DIAPH1: variants seen among roughly 807,000 people sequenced by gnomAD.
DIAPH1 encodes the protein diaphanous related formin 1.
In DIAPH1, 46 loss-of-function variants were observed where a neutral mutation model predicts 140.7. The observed-to-expected ratio is 0.33, with a 90% CI of 0.26 to 0.42. DIAPH1 has a LOEUF of 0.42. DIAPH1 is among the 10% of genes least tolerant of loss of function. The probability of loss-of-function intolerance (pLI) is 1.00; values close to 1 mark genes in which losing one functional copy is unlikely to be tolerated. For synonymous variants in DIAPH1, 565 were observed against 551.6 expected (o/e 1.02, Z -0.34); for missense variants, 1,310 against 1,558.7 (o/e 0.84, Z 2.69).
rs1247069457 is a variant in DIAPH1, at chr5:141,571,952, G to T, written c.2447C>A (p.Thr816Asn). 6.2e-7 allele frequency: 1 copy of T among 1,614,074 alleles called. No individual in the cohort carries two copies. The change falls in exon 17 of 28, where the codon ACC (threonine) becomes AAC (asparagine). Residue 816 changes from threonine (T) to asparagine (N), a missense_variant. Coordinates refer to ENST00000389054, the MANE Select transcript of DIAPH1 (RefSeq NM_005219.5). Reference protein sequence around the residue: ...FENNELFAKLTLTFSAQTKTS... With the variant: ...FENNELFAKLNLTFSAQTKTS... ...CTTGGTCTGGGCAGAGAAGGTAAGG[G>T]TAAGTTTGGCGAAAAGTTCATTGTT...
intron 1 of DIAPH1, among the ~76,000 whole-genome samples, chr5:141,589,803 C>T (rs910695442): frequency 1.3e-5 from 2 of 151,444 alleles, no homozygotes; most frequent in Non-Finnish European, 3.0e-5. Flanking sequence ...ACCCCTCCTG[C>T]CCCCCCAAAA....
intron 10 of DIAPH1, 73 bp from the exon 11 acceptor site, chr5:141,578,416 C>T (rs375653990): frequency 6.5e-7 from 1 of 1,549,334 alleles, no homozygotes; most frequent in Admixed American, 1.7e-5. Context: ...GCTTTTCAAC[C>T]TGGTTTTTAA....
chr5:141,540,470 C>T (rs971307564), intron 18 of DIAPH1, among the ~76,000 whole-genome samples: 29 of 151,884 alleles, frequency 1.9e-4, no homozygotes, highest in Admixed American at 8.5e-4. Context: ...TTAGTAGAGA[C>T]GGGGTTCCAT....
chr5:141,582,179 AAC>A (rs2099896880), intron 7 of DIAPH1, 131 bp downstream of exon 7: 4 of 724,296 alleles, frequency 5.5e-6, no homozygotes, highest in African/African-American at 5.3e-5. Context: ...GGCAATGAAA[AAC>A]AGTTATGATA....
intron 18 of DIAPH1, chr5:141,564,849 A>T (rs1018646730): frequency 1.3e-5 from 2 of 152,232 alleles, no homozygotes; most frequent in Admixed American, 1.3e-4. Context: ...AGATAGAGTC[A>T]AGGTAAGAAA....
chr5:141,525,033 A>G (rs1596336201), intron 26 of DIAPH1, among the ~76,000 whole-genome samples: 1 of 151,540 alleles, frequency 6.6e-6, no homozygotes, highest in Non-Finnish European at 1.5e-5. Flanking sequence ...TGTCAGCGGG[A>G]CTCCACCTTC....
Position 141,576,249 on chromosome 5 carries a change from G to A in DIAPH1, c.1442C>T (p.Ala481Val). ...ATGCACCTTCTTTTCCAGCTCTGCAGCTTTGGCTTCAGATTTCTCCACCTT... is the reference window on the plus strand; with the variant it reads ...ATGCACCTTCTTTTCCAGCTCTGCAACTTTGGCTTCAGATTTCTCCACCTT... ...KTKVEKSEAKAAELEKKLDSE... is the reference protein window; with the variant it reads ...KTKVEKSEAKVAELEKKLDSE... Residue 481 changes from alanine to valine, a missense_variant, in exon 14 of 28, where the codon GCT becomes GTT. By Grantham distance (64) the Ala-to-Val change is moderately conservative. Around this residue, in one of 3 missense-constraint regions of DIAPH1, gnomAD observed 589 missense variants for 549.3 expected, o/e 1.07. Transcript: ENST00000389054. 6.2e-7 allele frequency: 1 copy of A among 1,613,898 alleles called. No individual in the cohort carries two copies. Among genetic ancestry groups the A allele is most frequent in the Non-Finnish European group, 8.5e-7 (1 of 1,179,780 alleles).
At chr5:141,555,133 C>G (rs1186863084) in intron 18 of DIAPH1, among the ~76,000 whole-genome samples, 1 of 152,150 alleles carries the variant, frequency 6.6e-6, no homozygotes, top group Non-Finnish European at 1.5e-5. Context: ...ACACACGTCC[C>G]CCTCTGATTA....
In DIAPH1 at chr5:141,610,499, C is replaced by T. The variant is rs1421284540; in HGVS notation, c.117+8299G>A. Among the ~76,000 whole-genome samples the T allele has an allele frequency of 4.6e-5, 7 of 152,212 alleles. No homozygotes were observed. In the South Asian group the frequency reaches 8.3e-4, roughly 18 times the overall value. ...TATTTTTAGTAGAGACGGGGTTTCACCATGTTGGCCAGGATGGTCTCGATC... is the reference window on the plus strand; with the variant it reads ...TATTTTTAGTAGAGACGGGGTTTCATCATGTTGGCCAGGATGGTCTCGATC... On this transcript the variant is annotated intron_variant, in intron 1 of 27. Transcript: ENST00000389054.
rs757472703 is a variant in DIAPH1 at position 141,574,963 on chromosome 5, T to C, written c.1641+4A>G. On this transcript the variant is annotated splice_donor_region_variant and intron_variant, in intron 15 of 27. Transcript: ENST00000389054. ...TCATTCTGCCTTCCCTGCTCAGGCA[T>C]TACCTCTCCTGTGAGCTGGGACACC... 16 of 1,614,170 alleles carry C rather than the reference T, an allele frequency of 9.9e-6. No homozygotes were observed. Among genetic ancestry groups the C allele is most frequent in the Admixed American group, 1.7e-5 (1 of 60,022 alleles).
rs774927856 is a variant in DIAPH1, at chr5:141,515,388, C to A, written c.*1463G>T. 1 of 152,214 alleles carries A rather than the reference C, an allele frequency of 6.6e-6. No individual in the cohort carries two copies. The highest frequency in any genetic ancestry group is 1.5e-5 in the Non-Finnish European group (1 of 68,052). The allele number at this position is 152,214 out of a possible 1,614,324, so 9.4% of individuals were successfully genotyped here. ...GTTGCCCTCATGCTTCCTAAGCTCT[C>A]TCTTGCTCTAATAACTCTAATTCTG... On this transcript the variant is annotated 3_prime_UTR_variant, in exon 28 of 28. Transcript: ENST00000389054.
chr5:141,554,961 G>A (rs182122314), intron 18 of DIAPH1, among the ~76,000 whole-genome samples: 1 of 152,244 alleles, frequency 6.6e-6, no homozygotes, highest in Admixed American at 6.5e-5. Context: ...TGAGTTGGGG[G>A]TGGAGGTTCA....
At chr5:141,552,517 G>A (rs543158477) in intron 18 of DIAPH1, among the ~76,000 whole-genome samples, 9 of 152,146 alleles carry the variant, frequency 5.9e-5, no homozygotes, top group Non-Finnish European at 1.2e-4. Context: ...ATTAGACATT[G>A]GAAAAGGAAA....
intron 1 of DIAPH1, among the ~76,000 whole-genome samples, chr5:141,596,388 A>T (rs2099899329): frequency 6.6e-6 from 1 of 151,930 alleles, no homozygotes; most frequent in Admixed American, 6.6e-5. Context: ...CTGTAGTCCC[A>T]CCTACTCAGG....
At position 141,610,992 on chromosome 5, in the gene DIAPH1, A is replaced by G. The variant is rs114168778; in HGVS notation, c.117+7806T>C. The stretch of plus-strand genomic sequence containing the variant: ...TAGTCCCAGATACTCCAGGAGACCG[A>G]GGCAGCTGGATTGCTTGAGCCCAGG... On this transcript the variant is annotated intron_variant, in intron 1 of 27. Transcript: ENST00000389054. Among the ~76,000 whole-genome samples the G allele has an allele frequency of 3.8e-3, 584 of 152,164 alleles. 3 individuals are homozygous for G. Among genetic ancestry groups the G allele is most frequent in the African/African-American group, 0.013 (526 of 41,506 alleles).
chr5:141,534,610 C>T (rs2099888738), intron 18 of DIAPH1, 177 bp from the exon 19 acceptor site: 2 of 621,442 alleles, frequency 3.2e-6, no homozygotes, highest in South Asian at 1.9e-5. Flanking sequence ...CTGAACCTCC[C>T]CCAACTCTAA....
chr5:141,591,946 G>A (rs1450593992), intron 1 of DIAPH1, among the ~76,000 whole-genome samples: 1 of 150,474 alleles, frequency 6.6e-6, no homozygotes, highest in Non-Finnish European at 1.5e-5. Context: ...GACGGGTGTG[G>A]TGGCGCCTGC....
intron 27 of DIAPH1, among the ~76,000 whole-genome samples, chr5:141,519,429 ATC>A (rs2099886189): frequency 6.6e-6 from 1 of 152,152 alleles, no homozygotes; most frequent in African/African-American, 2.4e-5. Context: ...TTGAAATAAC[ATC>A]TGACTCCAGA....
chr5:141,565,157 A>C lies in DIAPH1; in HGVS notation c.2482+6271T>G, dbSNP rs1191535044. The C allele has an allele frequency of 2.0e-5, 3 of 152,258 alleles. No homozygotes were observed. The highest frequency in any genetic ancestry group is 4.4e-5 in the Non-Finnish European group (3 of 68,048). The allele number at this position is 152,258 out of a possible 1,614,324, so 9.4% of individuals were successfully genotyped here. The stretch of plus-strand genomic sequence containing the variant: ...CTATCAGAAATAATGACACAAATCT[A>C]TATGTAAGGACATCGAGATGCTAAA... On this transcript the variant is annotated intron_variant, in intron 18 of 27. Coordinates refer to ENST00000389054, the MANE Select transcript of DIAPH1 (RefSeq NM_005219.5). This position sits in a 1 kb window ranked among gnomAD's most constrained non-coding sequence, Gnocchi z 4.3.
Sources: allele counts gnomAD v4.1 joint callset (sites outside exome capture counted in the v4.1 genomes callset), GRCh38; gene constraint gnomAD v4.1.1; regional missense constraint gnomAD v4.1.1; non-coding constraint Gnocchi (gnomAD v3.1); transcripts MANE v1.5; gene names NCBI Gene and HGNC (gene_info 2026-07-23, HGNC 2026-07-21).